RHBDD1: variants seen among roughly 807,000 people sequenced by gnomAD.
The protein encoded by RHBDD1 is rhomboid-related protein 4.
RHBDD1 carries 38 observed loss-of-function variants against 36.3 expected under a neutral mutation model. The ratio of observed to expected loss-of-function variants is 1.05; its 90% CI spans 0.81 to 1.37. The LOEUF (loss-of-function observed/expected upper bound fraction) is 1.37, where lower values mean the gene tolerates loss of function less well. Ranked by LOEUF, RHBDD1 falls within the 40% of genes most tolerant of loss-of-function variation. The pLI is 0.00. For missense variants in RHBDD1, 393 were observed against 377.6 expected, an observed-to-expected ratio of 1.04 and a Z score of -0.34; for synonymous variants, 151 against 136.5, an observed-to-expected ratio of 1.11 and a Z score of -0.74.
chr2:226,959,064 C>T (rs1028270582), intron 8 of RHBDD1, among the ~76,000 whole-genome samples: 1 of 152,078 alleles, frequency 6.6e-6, no homozygotes, highest in African/African-American at 2.4e-5. Context: ...TAAATGTCTT[C>T]AGGAGCCGAA....
chr2:226,842,496 C>G (rs949746183), intron 3 of RHBDD1, among the ~76,000 whole-genome samples: 6 of 152,162 alleles, frequency 3.9e-5, no homozygotes, highest in African/African-American at 1.4e-4. Context: ...TTTCAGTTTT[C>G]TGCATATGGC....
chr2:226,941,125 G>A (rs372347731), intron 8 of RHBDD1, among the ~76,000 whole-genome samples: 1 of 151,828 alleles, frequency 6.6e-6, no homozygotes, highest in African/African-American at 2.4e-5. Context: ...CTTTTTTGTT[G>A]TTGTTTGTTT....
At chr2:226,823,638 GGATA>G in the RHBDD1 span, among the ~76,000 whole-genome samples, 8 of 152,144 alleles carry the variant, frequency 5.3e-5, no homozygotes, top group Non-Finnish European at 1.0e-4. Flanking sequence ...AAAAAAATGT[GGATA>G]GATAGATACA....
At chr2:226,812,464 G>A in the RHBDD1 span, among the ~76,000 whole-genome samples, 5 of 152,254 alleles carry the variant, frequency 3.3e-5, no homozygotes, top group South Asian at 2.1e-4. Flanking sequence ...AGAAAATGTC[G>A]AAACAACATA....
At chr2:226,912,745 C>G (rs1385505878) in intron 7 of RHBDD1, among the ~76,000 whole-genome samples, 1 of 151,982 alleles carries the variant, frequency 6.6e-6, no homozygotes, top group Non-Finnish European at 1.5e-5. Flanking sequence ...GTACAGATTT[C>G]TTTTTGGGGA....
chr2:226,913,178 G>C (rs937233732), intron 7 of RHBDD1, among the ~76,000 whole-genome samples: 1 of 152,000 alleles, frequency 6.6e-6, no homozygotes, highest in Non-Finnish European at 1.5e-5. Flanking sequence ...CCTTATTAAA[G>C]CTCCAACTCA....
intron 7 of RHBDD1, among the ~76,000 whole-genome samples, chr2:226,912,952 A>G (rs1187303256): frequency 6.6e-6 from 1 of 152,186 alleles, no homozygotes; most frequent in Non-Finnish European, 1.5e-5. Context: ...GTGTTTTGTC[A>G]TTCGTTGTTT....
chr2:226,870,823 TGGATCATTATAAA>T, intron 5 of RHBDD1, among the ~76,000 whole-genome samples: 1 of 152,152 alleles, frequency 6.6e-6, no homozygotes, highest in East Asian at 1.9e-4. Flanking sequence ...TAAGTGGAAG[TGGATCATTATAAA>T]GGTCTTTATC....
At chr2:226,989,319 A>C (rs1957659860) in intron 8 of RHBDD1, among the ~76,000 whole-genome samples, 1 of 152,218 alleles carries the variant, frequency 6.6e-6, no homozygotes, top group African/African-American at 2.4e-5. Flanking sequence ...GGATCCACTT[A>C]TGGACAAAAA....
chr2:226,911,165 G>A (rs1483298546), intron 7 of RHBDD1, among the ~76,000 whole-genome samples: 1 of 152,138 alleles, frequency 6.6e-6, no homozygotes, highest in African/African-American at 2.4e-5. Flanking sequence ...TAGATATACA[G>A]TTTCTATGTG....
intron 8 of RHBDD1, among the ~76,000 whole-genome samples, chr2:226,990,720 T>G (rs912837458): frequency 6.6e-6 from 1 of 152,178 alleles, no homozygotes; most frequent in African/African-American, 2.4e-5. Context: ...CACAAATCAA[T>G]AAATTTTATG....
At chr2:226,888,773 T>C (rs1363184287) in intron 5 of RHBDD1, among the ~76,000 whole-genome samples, 1 of 152,250 alleles carries the variant, frequency 6.6e-6, no homozygotes, top group Non-Finnish European at 1.5e-5. Flanking sequence ...ATTATTGTTA[T>C]GTCTACAATT....
the RHBDD1 span, among the ~76,000 whole-genome samples, chr2:226,829,340 T>A: frequency 6.6e-6 from 1 of 152,206 alleles, no homozygotes; most frequent in Non-Finnish European, 1.5e-5. Context: ...TCAAAACTGT[T>A]TTGGCCATTC....
At chr2:226,934,625 A>G (rs1950225239) in intron 8 of RHBDD1, among the ~76,000 whole-genome samples, 1 of 152,130 alleles carries the variant, frequency 6.6e-6, no homozygotes, top group African/African-American at 2.4e-5. Context: ...ATATTATTTC[A>G]AGGGGCTTGA....
chr2:226,905,469 G>A (rs1312497638), intron 5 of RHBDD1, among the ~76,000 whole-genome samples: 2 of 152,164 alleles, frequency 1.3e-5, no homozygotes, highest in South Asian at 2.1e-4. Context: ...GGTAGTAGAC[G>A]ATGAGGTCTC....
the RHBDD1 span, among the ~76,000 whole-genome samples, chr2:226,822,633 C>CAAA: frequency 2.1e-4 from 15 of 71,642 alleles, no homozygotes; most frequent in African/African-American, 5.8e-4. Flanking sequence ...TATTTTGTCT[C>CAAA]AAAAAAAAAA....
the RHBDD1 span, among the ~76,000 whole-genome samples, chr2:226,812,647 C>CTCTCTCTTTTTTT: frequency 1.3e-5 from 2 of 150,304 alleles, no homozygotes; most frequent in African/African-American, 2.4e-5. Flanking sequence ...CTCTCTCTCT[C>CTCTCTCTTTTTTT]TTTTTTTTTG....
intron 8 of RHBDD1, among the ~76,000 whole-genome samples, chr2:226,931,453 A>G (rs971615913): frequency 6.6e-5 from 10 of 152,014 alleles, no homozygotes; most frequent in African/African-American, 2.4e-4. Flanking sequence ...GTATGCAAAG[A>G]CATACAGAGT....
intron 2 of RHBDD1, among the ~76,000 whole-genome samples, chr2:226,838,473 AT>A (rs1482984827): frequency 6.6e-6 from 1 of 152,238 alleles, no homozygotes; most frequent in East Asian, 1.9e-4. Context: ...CATTAGACAA[AT>A]TAACATCCTC....
Sources: gnomAD v4.1 joint callset for allele counts (sites outside exome capture counted in the v4.1 genomes callset) on GRCh38, gnomAD v4.1.1 for gene constraint, MANE v1.5 for transcripts, NCBI Gene and HGNC (gene_info 2026-07-23, HGNC 2026-07-21) for gene names.